Variants in NSUN3 observed in about 807,000 individuals in gnomAD.
The protein encoded by NSUN3 is tRNA (cytosine(34)-C(5))-methyltransferase, mitochondrial.
NSUN3 carries 24 observed loss-of-function variants against 36.8 expected under a neutral mutation model. The ratio of observed to expected loss-of-function variants is 0.65; its 90% CI spans 0.47 to 0.92. NSUN3 has a LOEUF of 0.92. NSUN3 is among the 40% of genes least tolerant of loss of function. NSUN3 has a pLI of 0.00. For missense variants in NSUN3, 381 were observed against 392.8 expected (o/e 0.97, Z 0.25); for synonymous variants, 146 against 145.2 (o/e 1.01, Z -0.04).
intron 5 of NSUN3, among the ~76,000 whole-genome samples, chr3:94,119,025 C>T (rs963277904): frequency 2.6e-5 from 4 of 152,108 alleles, no homozygotes; most frequent in African/African-American, 7.2e-5. Flanking sequence ...ATACAGTCCT[C>T]TGTTTGTGAT....
intron 1 of NSUN3, 193 bp downstream of exon 1, chr3:94,063,331 C>G: frequency 1.6e-6 from 1 of 620,014 alleles, no homozygotes; most frequent in Non-Finnish European, 2.9e-6. Flanking sequence ...CCCTTCCGTC[C>G]AGCTCGCAGA....
At chr3:94,069,739 G>T (rs535865544) in intron 2 of NSUN3, among the ~76,000 whole-genome samples, 12 of 152,232 alleles carry the variant, frequency 7.9e-5, no homozygotes, top group African/African-American at 2.4e-4. Flanking sequence ...TGTTAAAATA[G>T]TAAGTAGTTC....
At chr3:94,094,042 A>T in intron 3 of NSUN3, 98 bp from the exon 4 acceptor site, 1 of 842,572 alleles carries the variant, frequency 1.2e-6, no homozygotes, top group Non-Finnish European at 1.8e-6. Flanking sequence ...CTGCATAATT[A>T]TGATGAGTTA....
chr3:94,090,661 G>A (rs1360472356), intron 3 of NSUN3, among the ~76,000 whole-genome samples: 4 of 152,136 alleles, frequency 2.6e-5, no homozygotes, highest in Non-Finnish European at 4.4e-5. Context: ...AACTAAAAAT[G>A]TAGGATATAA....
chr3:94,066,249 C>G (rs2077203837), intron 2 of NSUN3, among the ~76,000 whole-genome samples: 1 of 152,068 alleles, frequency 6.6e-6, no homozygotes, highest in Non-Finnish European at 1.5e-5. Flanking sequence ...CTTCATTTAC[C>G]CTATTGTGGG....
chr3:94,111,296 A>G (rs2077416206), intron 5 of NSUN3, among the ~76,000 whole-genome samples: 1 of 152,196 alleles, frequency 6.6e-6, no homozygotes, highest in African/African-American at 2.4e-5. Flanking sequence ...TCAGTGAGTG[A>G]GTGGTGAGTG....
At chr3:94,078,592 A>G (rs1280426568) in intron 2 of NSUN3, among the ~76,000 whole-genome samples, 1 of 152,130 alleles carries the variant, frequency 6.6e-6, no homozygotes, top group Admixed American at 6.5e-5. Flanking sequence ...GTAGGTCTCT[A>G]AGAACTTGCT....
chr3:94,066,134 G>A (rs534978077), intron 2 of NSUN3, among the ~76,000 whole-genome samples: 2 of 149,012 alleles, frequency 1.3e-5, no homozygotes, highest in East Asian at 2.0e-4. Context: ...ATCCTATAAT[G>A]ACTTATTTTT....
intron 5 of NSUN3, among the ~76,000 whole-genome samples, chr3:94,099,167 G>A (rs756191061): frequency 6.6e-6 from 1 of 152,138 alleles, no homozygotes; most frequent in Non-Finnish European, 1.5e-5. Context: ...TAAATGTAAA[G>A]CAATTCCCAT....
At position 94,129,921 on chromosome 3, in the gene NSUN3, T is replaced by G. The variant is rs1167951849; in HGVS notation, c.*3431T>G. On this transcript the variant is annotated 3_prime_UTR_variant, in exon 6 of 6. Coordinates refer to ENST00000314622, the MANE Select transcript of NSUN3 (RefSeq NM_022072.5). ...GCACCCGCCACCATGCTTGGCTAATTTTTTTTGTATTTTTAGTAAAGATGG... is the reference window on the plus strand; with the variant it reads ...GCACCCGCCACCATGCTTGGCTAATGTTTTTTGTATTTTTAGTAAAGATGG... Among the ~76,000 whole-genome samples, 1 of 151,490 alleles carries G rather than the reference T, an allele frequency of 6.6e-6. No individual in the cohort carries two copies. Among genetic ancestry groups the G allele is most frequent in the African/African-American group, 2.4e-5 (1 of 41,222 alleles).
chr3:94,105,150 T>G (rs1340769209), intron 5 of NSUN3, among the ~76,000 whole-genome samples: 2 of 152,212 alleles, frequency 1.3e-5, no homozygotes, highest in African/African-American at 4.8e-5. Context: ...CTGGCTATTT[T>G]GGGAAAAGGT....
intron 4 of NSUN3, 139 bp downstream of exon 4, chr3:94,094,433 G>GATA: frequency 1.3e-6 from 1 of 757,042 alleles, no homozygotes; most frequent in African/African-American, 1.8e-5. Flanking sequence ...TTGATAAAGT[G>GATA]AACATGGAAG....
chr3:94,066,321 G>C (rs1447247441), intron 2 of NSUN3, among the ~76,000 whole-genome samples: 1 of 152,152 alleles, frequency 6.6e-6, no homozygotes, highest in Non-Finnish European at 1.5e-5. Context: ...GCAAAATAAA[G>C]GTTTCTCAGC....
At chr3:94,107,974 C>CTTTTTTTTTTTTT (rs11437686) in intron 5 of NSUN3, among the ~76,000 whole-genome samples, 1 of 114,462 alleles carries the variant, frequency 8.7e-6, no homozygotes. Flanking sequence ...TTTTTTTTTC[C>CTTTTTTTTTTTTT]TTTTTTTTTT....
chr3:94,099,233 G>GT (rs1193763218), intron 5 of NSUN3, among the ~76,000 whole-genome samples: 4 of 151,864 alleles, frequency 2.6e-5, no homozygotes, highest in Middle Eastern at 3.2e-3. Flanking sequence ...ATAGAGTTTA[G>GT]TTTTTTTTAA....
At chr3:94,112,202 A>T (rs1440005322) in intron 5 of NSUN3, among the ~76,000 whole-genome samples, 1 of 152,194 alleles carries the variant, frequency 6.6e-6, no homozygotes, top group Non-Finnish European at 1.5e-5. Flanking sequence ...TGTTACTGTC[A>T]TCTAAAAACA....
intron 2 of NSUN3, among the ~76,000 whole-genome samples, chr3:94,066,382 T>C (rs2077204294): frequency 2.0e-5 from 3 of 152,212 alleles, no homozygotes; most frequent in Non-Finnish European, 2.9e-5. Flanking sequence ...AAGAACAGAA[T>C]GAAATATTTT....
intron 5 of NSUN3, among the ~76,000 whole-genome samples, chr3:94,109,042 A>C (rs2077404478): frequency 6.6e-6 from 1 of 152,256 alleles, no homozygotes; most frequent in African/African-American, 2.4e-5. Context: ...AAATGAATGC[A>C]ACACAAACCC....
intron 2 of NSUN3, chr3:94,076,941 G>A: frequency 9.2e-7 from 1 of 1,087,156 alleles, no homozygotes. Context: ...ATAACAAGAT[G>A]TTTTTGTTCA....
Sources: gnomAD v4.1 joint callset for allele counts (sites outside exome capture counted in the v4.1 genomes callset) on GRCh38, gnomAD v4.1.1 for gene constraint, MANE v1.5 for transcripts, NCBI Gene and HGNC (gene_info 2026-07-23, HGNC 2026-07-21) for gene names.